The following ADAM22 variants were observed in gnomAD, a reference collection of about 807,000 sequenced individuals.
ADAM22 encodes disintegrin and metalloproteinase domain-containing protein 22.
A neutral mutation model predicts 144.6 loss-of-function variants in ADAM22; 65 were observed. The ratio of observed to expected loss-of-function variants is 0.45; its 90% CI spans 0.37 to 0.55. The LOEUF (loss-of-function observed/expected upper bound fraction) is 0.55, where lower values mean the gene tolerates loss of function less well. Ranked by LOEUF, ADAM22 falls within the 20% of genes least tolerant of loss-of-function variation. ADAM22 has a pLI of 0.00. For synonymous variants in ADAM22, 391 were observed against 412.6 expected, an observed-to-expected ratio of 0.95 and a Z score of 0.63; for missense variants, 974 against 1,184.9, an observed-to-expected ratio of 0.82 and a Z score of 2.61.
chr7:88,009,125 T>C (rs1429100095), intron 3 of ADAM22, among the ~76,000 whole-genome samples: 1 of 152,114 alleles, frequency 6.6e-6, no homozygotes, highest in African/African-American at 2.4e-5. Context: ...CAGTCTAAGA[T>C]TTTATGGCAT....
intron 2 of ADAM22, among the ~76,000 whole-genome samples, chr7:87,963,419 T>G (rs1848403192): frequency 6.6e-6 from 1 of 152,190 alleles, no homozygotes; most frequent in African/African-American, 2.4e-5. Flanking sequence ...AAGTATTCAT[T>G]TGCCTCAGAG....
At chr7:88,013,446 A>G (rs1795897103) in intron 3 of ADAM22, among the ~76,000 whole-genome samples, 1 of 151,996 alleles carries the variant, frequency 6.6e-6, no homozygotes, top group Non-Finnish European at 1.5e-5. Context: ...ATTTTTTGTC[A>G]CAGAGTCTTG....
intron 3 of ADAM22, among the ~76,000 whole-genome samples, chr7:88,008,644 G>A (rs991415237): frequency 1.1e-4 from 16 of 151,278 alleles, no homozygotes; most frequent in Admixed American, 8.6e-4. Flanking sequence ...GTAAACTATC[G>A]CAAGGACAAA....
chr7:88,007,009 T>C (rs1163138453), intron 3 of ADAM22, among the ~76,000 whole-genome samples: 1 of 152,146 alleles, frequency 6.6e-6, no homozygotes, highest in Non-Finnish European at 1.5e-5. Context: ...AACCCCATTG[T>C]CTCAGCCCAA....
In ADAM22 at chr7:87,998,806, A is replaced by C. The variant is rs148223027; in HGVS notation, c.323+20394A>C. Among the ~76,000 whole-genome samples, 551 of 152,340 alleles carry C rather than the reference A, an allele frequency of 3.6e-3. 6 individuals carry two copies. Among genetic ancestry groups the C allele is most frequent in the African/African-American group, 0.013 (522 of 41,568 alleles). ...ATAGGGAATAGGAATCTTGGGGGACATCTTGAGAATTCTGCCTACCGTAAT... is the reference window on the plus strand; with the variant it reads ...ATAGGGAATAGGAATCTTGGGGGACCTCTTGAGAATTCTGCCTACCGTAAT... On this transcript the variant is annotated intron_variant, in intron 3 of 31. Coordinates refer to ENST00000413139, the MANE Select transcript of ADAM22 (RefSeq NM_001324418.2).
chr7:87,974,108 A>T (rs1851266671), intron 2 of ADAM22, among the ~76,000 whole-genome samples: 1 of 151,178 alleles, frequency 6.6e-6, no homozygotes, highest in Non-Finnish European at 1.5e-5. Context: ...TTAAAAAAAA[A>T]AAAAGAGAAA....
intron 4 of ADAM22, among the ~76,000 whole-genome samples, chr7:88,095,435 A>G (rs1004714715): frequency 6.6e-6 from 1 of 152,216 alleles, no homozygotes; most frequent in Non-Finnish European, 1.5e-5. Flanking sequence ...TCAGATGTGT[A>G]GGGGAAAGTA....
chr7:88,155,767 C>A, intron 21 of ADAM22, 120 bp from the exon 22 acceptor site: 1 of 1,156,072 alleles, frequency 8.6e-7, no homozygotes, highest in Non-Finnish European at 1.2e-6. Context: ...TTTCACTTGG[C>A]ATATGAGTAG....
intron 3 of ADAM22, among the ~76,000 whole-genome samples, chr7:88,065,584 T>G (rs1483809605): frequency 6.6e-6 from 1 of 152,048 alleles, no homozygotes; most frequent in Admixed American, 6.6e-5. Flanking sequence ...TCTTTTTTCT[T>G]GACAATATAT....
intron 27 of ADAM22, among the ~76,000 whole-genome samples, chr7:88,180,669 T>A (rs1221044764): frequency 6.6e-6 from 1 of 152,178 alleles, no homozygotes; most frequent in Non-Finnish European, 1.5e-5. Context: ...TAAAAGAGTT[T>A]AAAATATCCA....
At chr7:88,096,077 A>G (rs1821206022) in intron 4 of ADAM22, among the ~76,000 whole-genome samples, 1 of 152,036 alleles carries the variant, frequency 6.6e-6, no homozygotes, top group Non-Finnish European at 1.5e-5. Context: ...ATGTGCTGCC[A>G]CACTAATTTT....
intron 22 of ADAM22, among the ~76,000 whole-genome samples, chr7:88,157,436 T>C (rs1054255631): frequency 2.6e-5 from 4 of 152,182 alleles, no homozygotes; most frequent in Non-Finnish European, 5.9e-5. Context: ...GAGAAAATTA[T>C]TTCCAAACTA....
rs561997567 is a variant in ADAM22, at chr7:88,076,098, C to T, written c.390+406C>T. Reference sequence around the variant, plus strand: ...GCGCGATCTCAGCTCACTGCAACAGCGCGATCTCGGCTCACTGCAAGCTCT... The same window carrying T: ...GCGCGATCTCAGCTCACTGCAACAGTGCGATCTCGGCTCACTGCAAGCTCT... On this transcript the variant is annotated intron_variant, in intron 4 of 31. Coordinates refer to ENST00000413139, the MANE Select transcript of ADAM22 (RefSeq NM_001324418.2). Among the ~76,000 whole-genome samples, 16 of 152,280 alleles carry T rather than the reference C, an allele frequency of 1.1e-4. No individual in the cohort carries two copies. In the East Asian group the frequency reaches 1.9e-3, roughly 18 times the overall value.
intron 20 of ADAM22, among the ~76,000 whole-genome samples, chr7:88,152,775 T>C (rs1019317417): frequency 6.6e-5 from 10 of 151,880 alleles, no homozygotes; most frequent in African/African-American, 2.2e-4. Flanking sequence ...GCCTCCCGGG[T>C]TCAAGCGATT....
intron 3 of ADAM22, among the ~76,000 whole-genome samples, chr7:88,029,725 T>A (rs1167763172): frequency 6.6e-6 from 1 of 152,138 alleles, no homozygotes; most frequent in Non-Finnish European, 1.5e-5. Context: ...CATATATGAA[T>A]GATATTTTTG....
At chr7:88,057,693 A>G in intron 3 of ADAM22, among the ~76,000 whole-genome samples, 1 of 152,258 alleles carries the variant, frequency 6.6e-6, no homozygotes, top group South Asian at 2.1e-4. Context: ...TGTGATTACT[A>G]TTAGCTCATC....
chr7:87,982,811 G>C (rs1562917238), intron 3 of ADAM22, among the ~76,000 whole-genome samples: 1 of 149,346 alleles, frequency 6.7e-6, no homozygotes. Flanking sequence ...TCTCCTGCCT[G>C]AGCCTCCCGA....
chr7:87,985,237 C>G (rs1382743003), intron 3 of ADAM22, among the ~76,000 whole-genome samples: 1 of 151,222 alleles, frequency 6.6e-6, no homozygotes, highest in South Asian at 2.1e-4. Context: ...GGCGTGAACC[C>G]AGGAGGCAGA....
chr7:88,186,478 C>T, intron 29 of ADAM22, 137 bp from the exon 30 acceptor site: 1 of 723,682 alleles, frequency 1.4e-6, no homozygotes, highest in Non-Finnish European at 2.5e-6. Flanking sequence ...CTCATAATCA[C>T]CCAACATCCA....
Sources: gnomAD v4.1 joint callset for allele counts (sites outside exome capture counted in the v4.1 genomes callset) on GRCh38, gnomAD v4.1.1 for gene constraint, MANE v1.5 for transcripts, NCBI Gene and HGNC (gene_info 2026-07-23, HGNC 2026-07-21) for gene names.